The following TNS3 variants were observed in gnomAD, a reference collection of about 807,000 sequenced individuals.
TNS3 encodes tensin-3.
Under a neutral mutation model 140.9 loss-of-function variants are expected in TNS3, and 45 were observed. That is an observed-to-expected ratio of 0.32 (90% CI 0.25 to 0.41). The LOEUF (loss-of-function observed/expected upper bound fraction) is 0.41, where lower values mean the gene tolerates loss of function less well. TNS3 is among the 10% of genes least tolerant of loss of function. The pLI, the probability that TNS3 is intolerant of heterozygous loss-of-function variation, is 1.00. For missense variants in TNS3, 1,716 were observed against 1,906.7 expected (o/e 0.90, Z 1.86); for synonymous variants, 815 against 788.4 (o/e 1.03, Z -0.56).
chr7:47,579,510 C>A (rs1158259847), intron 1 of TNS3: 1 of 152,246 alleles, frequency 6.6e-6, no homozygotes, highest in Non-Finnish European at 1.5e-5. Context: ...CAGCAAATGT[C>A]TCTGGCTTCC....
intron 2 of TNS3, among the ~76,000 whole-genome samples, chr7:47,507,435 CT>C (rs924632626): frequency 1.3e-5 from 2 of 152,150 alleles, no homozygotes; most frequent in African/African-American, 4.8e-5. Context: ...GGATGGGAGC[CT>C]TTAAATTTGT....
At chr7:47,491,093 C>T (rs1039427648) in intron 3 of TNS3, among the ~76,000 whole-genome samples, 4 of 152,146 alleles carry the variant, frequency 2.6e-5, no homozygotes, top group Non-Finnish European at 5.9e-5. Flanking sequence ...GGCTTCAGCA[C>T]GAGGCGGGCA....
At chr7:47,417,991 G>A (rs1211215798) in intron 10 of TNS3, among the ~76,000 whole-genome samples, 1 of 152,162 alleles carries the variant, frequency 6.6e-6, no homozygotes. Context: ...ATTCAGGTAT[G>A]GATGAAAATA....
intron 7 of TNS3, among the ~76,000 whole-genome samples, chr7:47,436,089 G>A (rs902988704): frequency 6.6e-5 from 10 of 152,132 alleles, no homozygotes. Context: ...GATGAAAGTC[G>A]TAGAAATAGT....
At chr7:47,569,325 C>G in intron 1 of TNS3, among the ~76,000 whole-genome samples, 1 of 152,104 alleles carries the variant, frequency 6.6e-6, no homozygotes. Flanking sequence ...GGTGGATCAC[C>G]TGGGGTCAGG....
chr7:47,465,475 C>T (rs1416303764), intron 4 of TNS3, among the ~76,000 whole-genome samples: 3 of 152,284 alleles, frequency 2.0e-5, no homozygotes, highest in Middle Eastern at 3.4e-3. Context: ...TAGAGACACG[C>T]GGATCAGAAG....
intron 17 of TNS3, among the ~76,000 whole-genome samples, chr7:47,352,081 C>A (rs1455563089): frequency 7.1e-6 from 1 of 141,214 alleles, no homozygotes; most frequent in Non-Finnish European, 1.5e-5. Flanking sequence ...ACTCTTACAC[C>A]CACGTCACAC....
In TNS3 at chr7:47,398,216, G is replaced by A. The variant is rs374460093; in HGVS notation, c.920-1312C>T. 2.7e-3 allele frequency among the ~76,000 whole-genome samples: 412 copies of A among 152,202 alleles called. 20 individuals are homozygous for A. In the South Asian group the frequency reaches 0.083, roughly 31 times the overall value. Reference sequence around the variant, plus strand: ...CCCAGGGCCAGATGGATTCACAGCTGAATTCTACCATCCATTCAAAGAAGA... The same window carrying A: ...CCCAGGGCCAGATGGATTCACAGCTAAATTCTACCATCCATTCAAAGAAGA... On this transcript the variant is annotated intron_variant, in intron 15 of 30. Coordinates refer to ENST00000311160, the MANE Select transcript of TNS3 (RefSeq NM_022748.12).
At chr7:47,418,324 G>A (rs1794192749) in intron 10 of TNS3, among the ~76,000 whole-genome samples, 1 of 152,046 alleles carries the variant, frequency 6.6e-6, no homozygotes, top group African/African-American at 2.4e-5. Context: ...AAAAGAAGGG[G>A]AAATGAACAT....
At chr7:47,438,738 A>C (rs566688560) in intron 6 of TNS3, among the ~76,000 whole-genome samples, 11 of 152,270 alleles carry the variant, frequency 7.2e-5, no homozygotes, top group African/African-American at 2.6e-4. Flanking sequence ...TGCCCCAGTC[A>C]TTGGAGCAGA....
intron 2 of TNS3, among the ~76,000 whole-genome samples, chr7:47,523,245 C>T (rs1258684944): frequency 6.6e-6 from 1 of 152,150 alleles, no homozygotes; most frequent in African/African-American, 2.4e-5. Context: ...AGGCTCCACT[C>T]ACAAAACATA....
At chr7:47,372,374 CA>C (rs2151170805) in intron 16 of TNS3, among the ~76,000 whole-genome samples, 1 of 152,230 alleles carries the variant, frequency 6.6e-6, no homozygotes, top group African/African-American at 2.4e-5. Context: ...AAAAAAAGCC[CA>C]ATAATGAGTT....
intron 16 of TNS3, among the ~76,000 whole-genome samples, chr7:47,369,995 T>C (rs1790961037): frequency 6.6e-6 from 1 of 152,240 alleles, no homozygotes; most frequent in Non-Finnish European, 1.5e-5. Context: ...AATGGACTGT[T>C]CATCTTAGAC....
intron 1 of TNS3, among the ~76,000 whole-genome samples, chr7:47,560,824 A>G (rs897004510): frequency 6.6e-6 from 1 of 152,272 alleles, no homozygotes; most frequent in Admixed American, 6.5e-5. Context: ...TGAGGAACCC[A>G]GGCGCCACCA....
rs756975293 is a variant in TNS3 at position 47,368,430 on chromosome 7, C to A, written c.2216G>T (p.Gly739Val). Residue 739 changes from glycine to valine, a missense_variant, in exon 17 of 31, where the codon GGG becomes GTG. Physicochemically the swap from Gly to Val is moderately radical, Grantham distance 109. Coordinates refer to ENST00000311160, the MANE Select transcript of TNS3 (RefSeq NM_022748.12). The stretch of plus-strand genomic sequence containing the variant: ...AGGCAGCCTGCTGCTTGCCCGGAGC[C>A]CACCTCCCACGCTGTCTGGAGACAC... ...GSVSPDSVGG[G>V]LRASSRLPDT... The A allele has an allele frequency of 2.6e-6, 4 of 1,534,352 alleles. No homozygotes were observed. Among genetic ancestry groups the A allele is most frequent in the Non-Finnish European group, 3.5e-6 (4 of 1,136,428 alleles).
In TNS3 at chr7:47,302,953, G is replaced by T. The variant is rs1786492917; in HGVS notation, c.3454C>A (p.Pro1152Thr). The T allele has an allele frequency of 6.3e-7, 1 of 1,598,870 alleles. No homozygotes were observed. Among genetic ancestry groups the T allele is most frequent in the East Asian group, 2.2e-5 (1 of 44,632 alleles). Residue 1152 changes from proline (P) to threonine (T), a missense_variant, in exon 22 of 31, where the codon CCA (proline) becomes ACA (threonine). By Grantham distance (38) the Pro-to-Thr change is conservative (BLOSUM62 -1). Transcript: ENST00000311160. ...AACCAGCTGGAAACACACCTACCTG[G>T]CAGAGGTGAGGCCGCTTCTGAAGCC... Reference protein sequence around the residue: ...SKASEAASPLPDSPGDKLVIV... With the variant: ...SKASEAASPLTDSPGDKLVIV...
chr7:47,306,668 G>A (rs1370837888), intron 20 of TNS3, among the ~76,000 whole-genome samples: 1 of 151,676 alleles, frequency 6.6e-6, no homozygotes, highest in Admixed American at 6.6e-5. Context: ...TCCACCTCCC[G>A]CGTTCACGCC....
chr7:47,453,753 G>A (rs1005563995), intron 4 of TNS3, among the ~76,000 whole-genome samples: 6 of 152,220 alleles, frequency 3.9e-5, no homozygotes, highest in Admixed American at 6.5e-5. Context: ...GGGAGATGGA[G>A]GCCGGATACA....
intron 1 of TNS3, among the ~76,000 whole-genome samples, chr7:47,534,249 G>A (rs1281812669): frequency 6.6e-6 from 1 of 152,000 alleles, no homozygotes; most frequent in Non-Finnish European, 1.5e-5. Context: ...ACTCCAGCCT[G>A]GGTTGACAGA....
Sources: gnomAD v4.1 joint callset for allele counts (sites outside exome capture counted in the v4.1 genomes callset) on GRCh38, gnomAD v4.1.1 for gene constraint, MANE v1.5 for transcripts, NCBI Gene and HGNC (gene_info 2026-07-23, HGNC 2026-07-21) for gene names.